ACBD6: variants seen among roughly 807,000 people sequenced by gnomAD.
The protein encoded by ACBD6 is acyl-CoA-binding domain-containing protein 6.
A neutral mutation model predicts 37.2 loss-of-function variants in ACBD6; 28 were observed. The ratio of observed to expected loss-of-function variants is 0.75; its 90% confidence interval spans 0.56 to 1.03. The LOEUF is 1.03. ACBD6 is among the 50% of genes least tolerant of loss of function. The pLI, the probability that ACBD6 is intolerant of heterozygous loss-of-function variation, is 0.00. For synonymous variants in ACBD6, 113 were observed against 126.8 expected, an observed-to-expected ratio of 0.89 and a Z score of 0.73; for missense variants, 340 against 337.4, an observed-to-expected ratio of 1.01 and a Z score of -0.06.
chr1:180,269,694 T>C (rs1001819837), exon 14 of ACBD6: 9 of 152,246 alleles, frequency 5.9e-5, no homozygotes, highest in African/African-American at 2.2e-4. Context: ...AATATAAAGA[T>C]TGTACACAAG....
intron 9 of ACBD6, chr1:180,278,340 CTCT>C (rs1290976677): frequency 8.5e-5 from 2 of 23,566 alleles, no homozygotes; most frequent in Non-Finnish European, 2.4e-4. Flanking sequence ...ATCACTGGCT[CTCT>C]TCTTTCTTGG....
chr1:180,353,574 A>T (rs544733104), intron 6 of ACBD6, among the ~76,000 whole-genome samples: 1 of 152,050 alleles, frequency 6.6e-6, no homozygotes, highest in African/African-American at 2.4e-5. Context: ...TCAGACTAAG[A>T]TATTTTAAAA....
At chr1:180,411,235 A>G (rs187945348) in intron 5 of ACBD6, among the ~76,000 whole-genome samples, 4 of 152,372 alleles carry the variant, frequency 2.6e-5, no homozygotes, top group Non-Finnish European at 4.4e-5. Flanking sequence ...TGTTGTGAAC[A>G]TTGTTGAAAT....
At chr1:180,370,345 A>G (rs1558269882) in intron 6 of ACBD6, among the ~76,000 whole-genome samples, 1 of 152,150 alleles carries the variant, frequency 6.6e-6, no homozygotes, top group Non-Finnish European at 1.5e-5. Flanking sequence ...GTGTGTGCAT[A>G]TGCACATGTA....
intron 3 of ACBD6, among the ~76,000 whole-genome samples, chr1:180,452,220 C>G (rs978771967): frequency 6.6e-6 from 1 of 152,068 alleles, no homozygotes; most frequent in Non-Finnish European, 1.5e-5. Flanking sequence ...ACCTGTAATC[C>G]CAGCACTTTG....
At chr1:180,353,415 T>A (rs1652493473) in intron 6 of ACBD6, among the ~76,000 whole-genome samples, 2 of 152,182 alleles carry the variant, frequency 1.3e-5, no homozygotes. Context: ...AGAAAAAATT[T>A]GGGCAGCATT....
chr1:180,390,010 G>A (rs1654009171), intron 6 of ACBD6, among the ~76,000 whole-genome samples: 2 of 151,644 alleles, frequency 1.3e-5, no homozygotes, highest in African/African-American at 4.8e-5. Flanking sequence ...AGTTTAATTA[G>A]ATCCTATTTG....
At chr1:180,348,566 G>T (rs1412198189) in intron 6 of ACBD6, among the ~76,000 whole-genome samples, 1 of 152,180 alleles carries the variant, frequency 6.6e-6, no homozygotes, top group African/African-American at 2.4e-5. Context: ...AGTTAAAATG[G>T]AGTATAAATG....
At chr1:180,495,627 A>G (rs1408163016) in intron 1 of ACBD6, 102 bp from the exon 2 acceptor site, 4 of 892,122 alleles carry the variant, frequency 4.5e-6, no homozygotes, top group Non-Finnish European at 5.4e-6. Flanking sequence ...CATAGGTTGG[A>G]AAATATTTGC....
Position 180,475,189 on chromosome 1 carries a change from T to A in ACBD6, c.384+17080A>T, listed in dbSNP as rs543321468. The stretch of plus-strand genomic sequence containing the variant: ...TTGACATATAATAACTGTGCATATT[T>A]AAATTGTACAGTTTGATGAGTTTTG... On this transcript the variant is annotated intron_variant, in intron 3 of 7. Coordinates refer to ENST00000367595, the MANE Select transcript of ACBD6 (RefSeq NM_032360.4). Among the ~76,000 whole-genome samples, 4 of 152,368 alleles carry A rather than the reference T, an allele frequency of 2.6e-5. No homozygotes were observed. In the South Asian group the frequency reaches 8.3e-4, roughly 32 times the overall value.
At chr1:180,271,805 CTGAG>C in exon 14 of ACBD6, 2 of 1,613,472 alleles carry the variant, frequency 1.2e-6, no homozygotes, top group Non-Finnish European at 1.7e-6. Flanking sequence ...TGGACGCCCC[CTGAG>C]TATGTCCCTT....
intron 7 of ACBD6, among the ~76,000 whole-genome samples, chr1:180,295,339 T>C (rs770978879): frequency 2.0e-5 from 3 of 151,592 alleles, no homozygotes; most frequent in Non-Finnish European, 4.4e-5. Context: ...GGTGCAATCT[T>C]GGCTTGCTGC....
chr1:180,492,400 A>T (rs774801494), intron 2 of ACBD6, 35 bp from the exon 3 acceptor site: 3 of 1,504,714 alleles, frequency 2.0e-6, no homozygotes, highest in Non-Finnish European at 2.8e-6. Context: ...GCCTGTCATT[A>T]TGCAAATAAC....
At chr1:180,383,465 T>A (rs925800555) in intron 6 of ACBD6, among the ~76,000 whole-genome samples, 3 of 152,110 alleles carry the variant, frequency 2.0e-5, no homozygotes, top group African/African-American at 7.2e-5. Flanking sequence ...TACCTGGGAA[T>A]AAATTTAACC....
At chr1:180,483,591 A>G (rs1210846510) in intron 3 of ACBD6, among the ~76,000 whole-genome samples, 4 of 152,150 alleles carry the variant, frequency 2.6e-5, no homozygotes, top group Admixed American at 1.3e-4. Flanking sequence ...TATCAATAAT[A>G]CCTTAATACA....
intron 3 of ACBD6, among the ~76,000 whole-genome samples, chr1:180,476,914 CCA>C (rs1369769084): frequency 6.6e-6 from 1 of 152,054 alleles, no homozygotes; most frequent in African/African-American, 2.4e-5. Flanking sequence ...GTGAAAATAT[CCA>C]ATGAATATAT....
chr1:180,309,961 G>C (rs1409908665), intron 7 of ACBD6, among the ~76,000 whole-genome samples: 1 of 152,164 alleles, frequency 6.6e-6, no homozygotes, highest in African/African-American at 2.4e-5. Flanking sequence ...AGTAAGTGAT[G>C]TGAATGCTGT....
At chr1:180,450,576 G>A (rs1161083889) in intron 3 of ACBD6, among the ~76,000 whole-genome samples, 1 of 152,132 alleles carries the variant, frequency 6.6e-6, no homozygotes, top group Non-Finnish European at 1.5e-5. Context: ...GGCTAACACA[G>A]TGAAACTCCG....
intron 3 of ACBD6, among the ~76,000 whole-genome samples, chr1:180,480,365 T>A (rs534253303): frequency 1.3e-5 from 2 of 152,184 alleles, no homozygotes; most frequent in Non-Finnish European, 2.9e-5. Flanking sequence ...ACTTAAAAGA[T>A]AAAATTAGTG....
Sources: allele counts gnomAD v4.1 joint callset (sites outside exome capture counted in the v4.1 genomes callset), GRCh38; gene constraint gnomAD v4.1.1; transcripts MANE v1.5; gene names NCBI Gene and HGNC (gene_info 2026-07-23, HGNC 2026-07-21).